RALYL: variants seen among roughly 807,000 people sequenced by gnomAD.
The protein encoded by RALYL is RALY RNA binding protein like, also known as RNA-binding Raly-like protein.
Under a neutral mutation model 35.1 loss-of-function variants are expected in RALYL, and 29 were observed. The ratio of observed to expected loss-of-function variants is 0.83; its 90% CI spans 0.61 to 1.13. RALYL has a LOEUF of 1.13. Among genes scored for constraint, RALYL ranks in the 50% most tolerant of loss-of-function variants. RALYL has a pLI of 0.00. For synonymous variants in RALYL, 120 were observed against 127.6 expected (o/e 0.94, Z 0.40); for missense variants, 359 against 360.4 (o/e 1.00, Z 0.03).
rs1833576579 is a variant in RALYL at position 84,267,637 on chromosome 8, T to G, written c.-24+83213T>G. On this transcript the variant is annotated intron_variant, in intron 1 of 8. Transcript: ENST00000521268. ...TTTTTCTCCTGCCTGGAATACCATT[T>G]AAAACTATCTGCTACCAAGAAAGCC... Among the ~76,000 whole-genome samples the G allele has an allele frequency of 2.0e-5, 3 of 152,128 alleles. No homozygotes were observed. In the South Asian group the frequency reaches 6.2e-4, roughly 32 times the overall value.
intron 8 of RALYL, among the ~76,000 whole-genome samples, chr8:84,907,713 A>AT (rs1410445907): frequency 6.6e-6 from 1 of 151,994 alleles, no homozygotes; most frequent in Non-Finnish European, 1.5e-5. Context: ...CAGTGGTACT[A>AT]TTTTTTACTT....
chr8:84,686,207 A>C (rs1836747992), intron 2 of RALYL, among the ~76,000 whole-genome samples: 1 of 152,158 alleles, frequency 6.6e-6, no homozygotes, highest in South Asian at 2.1e-4. Context: ...TGCCATGAAC[A>C]GTTGGAAAAA....
chr8:84,251,158 G>T (rs914988611), intron 1 of RALYL, among the ~76,000 whole-genome samples: 76 of 152,158 alleles, frequency 5.0e-4, no homozygotes, highest in African/African-American at 1.7e-3. Context: ...AGATGGGGAA[G>T]GCATTATTAT....
At chr8:84,209,519 C>A (rs552499136) in intron 1 of RALYL, among the ~76,000 whole-genome samples, 1 of 152,260 alleles carries the variant, frequency 6.6e-6, no homozygotes, top group South Asian at 2.1e-4. Context: ...ATAAACTGAG[C>A]CACTACAGGG....
chr8:84,629,011 A>C (rs1251082414), intron 2 of RALYL, among the ~76,000 whole-genome samples: 1 of 152,058 alleles, frequency 6.6e-6, no homozygotes, highest in African/African-American at 2.4e-5. Context: ...TGATTGACTC[A>C]GCAAAAAGCA....
At chr8:84,233,735 A>G (rs943281845) in intron 1 of RALYL, among the ~76,000 whole-genome samples, 4 of 152,044 alleles carry the variant, frequency 2.6e-5, no homozygotes, top group Non-Finnish European at 5.9e-5. Context: ...CAACATTATC[A>G]TATTCTGGGG....
At chr8:84,847,217 T>A (rs1834851791) in intron 4 of RALYL, among the ~76,000 whole-genome samples, 1 of 152,194 alleles carries the variant, frequency 6.6e-6, no homozygotes, top group Admixed American at 6.5e-5. Context: ...CCCTGCCAAT[T>A]CAAATGTCTG....
chr8:84,262,715 T>C (rs1425387601), intron 1 of RALYL, among the ~76,000 whole-genome samples: 1 of 152,162 alleles, frequency 6.6e-6, no homozygotes, highest in Non-Finnish European at 1.5e-5. Context: ...GATCTATTAA[T>C]GGGTCATGAA....
intron 8 of RALYL, among the ~76,000 whole-genome samples, chr8:84,916,350 T>A (rs56165243): frequency 0.051 from 7,726 of 152,018 alleles, 265 homozygotes; most frequent in African/African-American, 0.077. Context: ...TCTTTTTTTT[T>A]AAATCACATA....
At chr8:84,765,266 TAGA>T (rs1169053298) in intron 2 of RALYL, among the ~76,000 whole-genome samples, 1 of 152,158 alleles carries the variant, frequency 6.6e-6, no homozygotes, top group Non-Finnish European at 1.5e-5. Flanking sequence ...TTGAGTGGCA[TAGA>T]AGGTGTGACA....
intron 1 of RALYL, among the ~76,000 whole-genome samples, chr8:84,497,369 G>A (rs759712476): frequency 7.2e-5 from 11 of 152,070 alleles, no homozygotes; most frequent in Non-Finnish European, 1.0e-4. Context: ...GTAACTATGA[G>A]TAACTATGGT....
At chr8:84,350,210 C>T (rs1850637176) in intron 1 of RALYL, among the ~76,000 whole-genome samples, 1 of 150,270 alleles carries the variant, frequency 6.7e-6, no homozygotes, top group African/African-American at 2.5e-5. Flanking sequence ...GTTGGCTAGG[C>T]CTATAGCTTT....
At chr8:84,653,425 T>A (rs1188457800) in intron 2 of RALYL, among the ~76,000 whole-genome samples, 1 of 152,044 alleles carries the variant, frequency 6.6e-6, no homozygotes. Flanking sequence ...ACCTTTCTTT[T>A]GCTCATTCTG....
intron 2 of RALYL, among the ~76,000 whole-genome samples, chr8:84,636,789 TA>T (rs1825158029): frequency 6.6e-6 from 1 of 151,944 alleles, no homozygotes; most frequent in African/African-American, 2.4e-5. Flanking sequence ...GACTGATACA[TA>T]TTTTTCAAAT....
chr8:84,723,945 T>G (rs1844465898), intron 2 of RALYL, among the ~76,000 whole-genome samples: 1 of 151,802 alleles, frequency 6.6e-6, no homozygotes, highest in Admixed American at 6.6e-5. Flanking sequence ...CTATAATCAT[T>G]AAGAGTAGTT....
At chr8:84,355,673 G>T (rs1019656953) in intron 1 of RALYL, among the ~76,000 whole-genome samples, 6 of 150,324 alleles carry the variant, frequency 4.0e-5, no homozygotes, top group Admixed American at 1.3e-4. Flanking sequence ...ATAGCAGGAA[G>T]TGCAGATAGC....
At chr8:84,355,930 G>A (rs1438478880) in intron 1 of RALYL, among the ~76,000 whole-genome samples, 1 of 149,924 alleles carries the variant, frequency 6.7e-6, no homozygotes, top group Non-Finnish European at 1.5e-5. Context: ...TTGGAGGAGG[G>A]GCCTAATGGG....
chr8:84,573,023 A>G (rs905138907), intron 2 of RALYL, among the ~76,000 whole-genome samples: 2 of 151,518 alleles, frequency 1.3e-5, no homozygotes, highest in African/African-American at 2.4e-5. Flanking sequence ...ATTTCACTTC[A>G]TATATAATGT....
At chr8:84,768,656 C>A (rs1043786374) in intron 2 of RALYL, among the ~76,000 whole-genome samples, 1 of 152,140 alleles carries the variant, frequency 6.6e-6, no homozygotes. Flanking sequence ...CCCAGCAAAG[C>A]GAGAGAAGTA....
Sources: allele counts gnomAD v4.1 joint callset (sites outside exome capture counted in the v4.1 genomes callset), GRCh38; gene constraint gnomAD v4.1.1; transcripts MANE v1.5; gene names NCBI Gene and HGNC (gene_info 2026-07-23, HGNC 2026-07-21).